LIPC: variants seen among roughly 807,000 people sequenced by gnomAD.
LIPC encodes the protein hepatic triacylglycerol lipase.
In LIPC, 44 loss-of-function variants were observed where a neutral mutation model predicts 50.7. The observed-to-expected ratio is 0.87, with a 90% CI of 0.68 to 1.11. The LOEUF (loss-of-function observed/expected upper bound fraction) is 1.11, where lower values mean the gene tolerates loss of function less well. LIPC is among the 50% of genes most tolerant of loss of function. LIPC has a pLI of 0.00. For synonymous variants in LIPC, 271 were observed against 256.4 expected, an observed-to-expected ratio of 1.06 and a Z score of -0.54; for missense variants, 697 against 648.2, an observed-to-expected ratio of 1.08 and a Z score of -0.82.
chr15:58,565,372 T>A (rs2140960345), intron 8 of LIPC: 1 of 1,510,814 alleles, frequency 6.6e-7, no homozygotes, highest in East Asian at 2.5e-5. Flanking sequence ...TGGCTTGACC[T>A]GAAAGGGTGG....
intron 1 of LIPC, among the ~76,000 whole-genome samples, chr15:58,485,665 G>A (rs1388322333): frequency 2.0e-5 from 3 of 152,220 alleles, no homozygotes; most frequent in African/African-American, 7.2e-5. Context: ...CTGCAAAGAA[G>A]ATATTGCTAT....
chr15:58,485,037 C>T (rs114920697), intron 1 of LIPC, among the ~76,000 whole-genome samples: 1,724 of 152,268 alleles, frequency 0.011, 34 homozygotes, highest in African/African-American at 0.039. Flanking sequence ...TAGCATTCAG[C>T]ACCCTCACTA....
intron 1 of LIPC, chr15:58,497,841 C>G (rs76072960): frequency 6.6e-6 from 1 of 152,358 alleles, no homozygotes; most frequent in African/African-American, 2.4e-5. Flanking sequence ...GCTGACTTGC[C>G]ATGGAGCCAA....
At chr15:58,482,836 A>G (rs1263513630) in intron 1 of LIPC, among the ~76,000 whole-genome samples, 1 of 152,234 alleles carries the variant, frequency 6.6e-6, no homozygotes, top group Non-Finnish European at 1.5e-5. Flanking sequence ...GCCCAGGTTT[A>G]GACATCAGGA....
At chr15:58,451,842 C>T (rs1302038901) in intron 1 of LIPC, among the ~76,000 whole-genome samples, 1 of 152,154 alleles carries the variant, frequency 6.6e-6, no homozygotes, top group Non-Finnish European at 1.5e-5. Context: ...GGCTCTGCAC[C>T]TTGCTCCCCG....
chr15:58,515,149 T>G (rs1361821470), intron 1 of LIPC, among the ~76,000 whole-genome samples: 2 of 152,154 alleles, frequency 1.3e-5, no homozygotes, highest in African/African-American at 4.8e-5. Context: ...ACCCTTGTGA[T>G]TACATTGGGC....
At chr15:58,555,630 G>C (rs1332801163) in intron 6 of LIPC, among the ~76,000 whole-genome samples, 1 of 152,242 alleles carries the variant, frequency 6.6e-6, no homozygotes. Flanking sequence ...GGTCTCAGCA[G>C]AAAACAGGAC....
At chr15:58,508,703 A>G (rs1194759199) in intron 1 of LIPC, among the ~76,000 whole-genome samples, 1 of 141,526 alleles carries the variant, frequency 7.1e-6, no homozygotes, top group Non-Finnish European at 1.5e-5. Context: ...ATAGTCCCCA[A>G]CAAGGTTCTC....
At chr15:58,441,802 C>G (rs1034586231) in intron 1 of LIPC, among the ~76,000 whole-genome samples, 1 of 152,104 alleles carries the variant, frequency 6.6e-6, no homozygotes, top group Non-Finnish European at 1.5e-5. Flanking sequence ...CAGGGCTGAG[C>G]TGGCTTTGAT....
chr15:58,548,472 G>A lies in LIPC; in HGVS notation c.951G>A (p.Lys317=), dbSNP rs760560872. ...GCCAGGGCCTGTGCCTGAGCTGCAA[G>A]AAGGGCCGCTGCAACACGCTGGGCT... ...SFSQGLCLSC[K]KGRCNTLGYH... The change falls in exon 6 of 9, where the codon AAG becomes AAA. Residue 317 remains lysine (K), a synonymous_variant. Transcript: ENST00000299022. The A allele has an allele frequency of 1.9e-6, 3 of 1,612,422 alleles. No homozygotes were observed. The highest frequency in any genetic ancestry group is 2.5e-6 in the Non-Finnish European group (3 of 1,179,276).
chr15:58,467,779 C>T lies in LIPC; in HGVS notation c.88+35659C>T, dbSNP rs200251065. On this transcript the variant is annotated intron_variant, in intron 1 of 8. Coordinates refer to ENST00000299022, the MANE Select transcript of LIPC (RefSeq NM_000236.3). ...TCACTGTTGCGCAGTGGTTTGCCTACCAGGTATCCCTTACATCAAATCCTG... is the reference window on the plus strand; with the variant it reads ...TCACTGTTGCGCAGTGGTTTGCCTATCAGGTATCCCTTACATCAAATCCTG... Among the ~76,000 whole-genome samples the T allele has an allele frequency of 1.8e-3, 268 of 152,282 alleles. 2 individuals carry two copies. Among genetic ancestry groups the T allele is most frequent in the South Asian group, 3.1e-3 (15 of 4,826 alleles).
At chr15:58,439,165 T>C (rs1439954577) in intron 1 of LIPC, among the ~76,000 whole-genome samples, 1 of 152,214 alleles carries the variant, frequency 6.6e-6, no homozygotes, top group Non-Finnish European at 1.5e-5. Flanking sequence ...CCTCATTGTG[T>C]GTGTCCTGTG....
chr15:58,501,299 A>C (rs1169144127), intron 1 of LIPC, among the ~76,000 whole-genome samples: 1 of 148,758 alleles, frequency 6.7e-6, no homozygotes, highest in East Asian at 2.0e-4. Flanking sequence ...GTATATTCAC[A>C]TGTCTCCACC....
At chr15:58,537,675 C>T (rs1336241285) in intron 1 of LIPC, among the ~76,000 whole-genome samples, 1 of 152,162 alleles carries the variant, frequency 6.6e-6, no homozygotes. Context: ...CACACACACA[C>T]TCAATCATCC....
At chr15:58,555,955 AT>A (rs1375768866) in intron 6 of LIPC, among the ~76,000 whole-genome samples, 4 of 151,952 alleles carry the variant, frequency 2.6e-5, no homozygotes, top group Non-Finnish European at 5.9e-5. Context: ...CCAGAAACCA[AT>A]CGACAAGGGA....
At chr15:58,552,596 C>T (rs1214779028) in intron 6 of LIPC, among the ~76,000 whole-genome samples, 2 of 152,240 alleles carry the variant, frequency 1.3e-5, no homozygotes, top group African/African-American at 4.8e-5. Context: ...GTGAGGGGCA[C>T]TTGCTTCTGC....
intron 1 of LIPC, among the ~76,000 whole-genome samples, chr15:58,481,737 T>C (rs1891196506): frequency 6.6e-6 from 1 of 152,154 alleles, no homozygotes; most frequent in Admixed American, 6.5e-5. Context: ...AGGCAGAGGT[T>C]ACGGTGAGCC....
chr15:58,446,617 C>A (rs1276224177), intron 1 of LIPC, among the ~76,000 whole-genome samples: 2 of 152,096 alleles, frequency 1.3e-5, no homozygotes, highest in East Asian at 1.9e-4. Context: ...TGCTGCCCAC[C>A]GTCCCATGGC....
intron 6 of LIPC, among the ~76,000 whole-genome samples, chr15:58,559,225 A>T (rs1426582060): frequency 6.6e-6 from 1 of 152,208 alleles, no homozygotes; most frequent in Non-Finnish European, 1.5e-5. Context: ...TTCTCCTATG[A>T]CAAAGCTTGA....
Sources: gnomAD v4.1 joint callset for allele counts (sites outside exome capture counted in the v4.1 genomes callset) on GRCh38, gnomAD v4.1.1 for gene constraint, MANE v1.5 for transcripts, NCBI Gene and HGNC (gene_info 2026-07-23, HGNC 2026-07-21) for gene names.